VKORC1L1: variants seen among roughly 807,000 people sequenced by gnomAD.
The protein encoded by VKORC1L1 is vitamin K epoxide reductase complex subunit 1-like protein 1.
A neutral mutation model predicts 18.9 loss-of-function variants in VKORC1L1; 2 were observed. The observed-to-expected ratio is 0.11, with a 90% CI of 0.04 to 0.33. VKORC1L1 has a LOEUF of 0.33. Ranked by LOEUF, VKORC1L1 falls within the 10% of genes least tolerant of loss-of-function variation. The probability of loss-of-function intolerance (pLI) is 1.00; values close to 1 mark genes in which losing one functional copy is unlikely to be tolerated. For synonymous variants in VKORC1L1, 96 were observed against 100.0 expected (o/e 0.96, Z 0.24); for missense variants, 123 against 224.1 (o/e 0.55, Z 2.88).
Position 65,889,482 on chromosome 7 carries a change from A to G in VKORC1L1, c.194+15917A>G, listed in dbSNP as rs577994714. ...TTCCTCCCCTCCCCCACCAAATTCA[A>G]TCAATCACCAGGCCCCATTGATTGT... On this transcript the variant is annotated intron_variant, in intron 1 of 2. Coordinates refer to ENST00000360768, the MANE Select transcript of VKORC1L1 (RefSeq NM_173517.6). Among the ~76,000 whole-genome samples, 21 of 152,280 alleles carry G rather than the reference A, an allele frequency of 1.4e-4. No individual in the cohort carries two copies. The South Asian group carries it at 2.9e-3, about 21-fold the overall frequency.
At chr7:65,887,735 C>G (rs1789039497) in intron 1 of VKORC1L1, among the ~76,000 whole-genome samples, 1 of 152,134 alleles carries the variant, frequency 6.6e-6, no homozygotes, top group South Asian at 2.1e-4. Flanking sequence ...ACAAGTGTCT[C>G]ATTTTTAAAG....
chr7:65,915,047 G>A (rs948779687), intron 1 of VKORC1L1, among the ~76,000 whole-genome samples: 28 of 151,446 alleles, frequency 1.8e-4, no homozygotes, highest in African/African-American at 6.5e-4. Context: ...CTCCCTCTTC[G>A]GTTTGTAATT....
At chr7:65,907,721 T>C (rs185789922) in intron 1 of VKORC1L1, among the ~76,000 whole-genome samples, 1 of 152,184 alleles carries the variant, frequency 6.6e-6, no homozygotes, top group East Asian at 1.9e-4. Flanking sequence ...AGGCTAATGA[T>C]CTACAGATCT....
chr7:65,923,688 T>TGA (rs1383409147), intron 1 of VKORC1L1, among the ~76,000 whole-genome samples: 1 of 152,150 alleles, frequency 6.6e-6, no homozygotes, highest in East Asian at 1.9e-4. Context: ...ATTAAGAGTG[T>TGA]GAGACCAAAA....
At position 65,938,024 on chromosome 7, in the gene VKORC1L1, A is replaced by G. The variant is rs186725316; in HGVS notation, c.195-10647A>G. On this transcript the variant is annotated intron_variant, in intron 1 of 2. Coordinates refer to ENST00000360768, the MANE Select transcript of VKORC1L1 (RefSeq NM_173517.6). ...GGAGTTCGAGACCATCCTTGCCAAC[A>G]TGGTGAAACCCCGTCTCTACTGAAA... 2.3e-3 allele frequency among the ~76,000 whole-genome samples: 346 copies of G among 151,236 alleles called. 5 individuals carry two copies. Among genetic ancestry groups the G allele is most frequent in the Non-Finnish European group, 1.9e-3 (132 of 67,984 alleles).
rs1790354004 is a variant in VKORC1L1, at chr7:65,959,204, C to G, written c.*4904C>G. The G allele has an allele frequency of 6.6e-6, 1 of 152,232 alleles. No homozygotes were observed. The allele number at this position is 152,232 out of a possible 1,614,324, so 9.4% of individuals were successfully genotyped here. A position where few individuals can be genotyped will look rare whatever the true frequency, so the allele number is the denominator to read the frequency against. ...CCTGTAATCCCAGCTATTCAGGAAG[C>G]TGAGGCAGGAGAATTGCTTGAACCA... On this transcript the variant is annotated 3_prime_UTR_variant, in exon 3 of 3. Transcript: ENST00000360768.
At chr7:65,941,034 A>C (rs969490994) in intron 1 of VKORC1L1, among the ~76,000 whole-genome samples, 1 of 152,150 alleles carries the variant, frequency 6.6e-6, no homozygotes, top group Admixed American at 6.6e-5. Flanking sequence ...AAAAGTTGGG[A>C]TAGTTAGTGC....
At chr7:65,945,543 CG>C (rs1562656346) in intron 1 of VKORC1L1, among the ~76,000 whole-genome samples, 3 of 149,524 alleles carry the variant, frequency 2.0e-5, no homozygotes, top group Non-Finnish European at 4.5e-5. Context: ...ACCTGGGAGG[CG>C]GAACTTGCAG....
chr7:65,929,366 C>T (rs893434861), intron 1 of VKORC1L1, among the ~76,000 whole-genome samples: 4 of 152,012 alleles, frequency 2.6e-5, no homozygotes, highest in Admixed American at 1.3e-4. Context: ...GAGCCGAGAT[C>T]GCGCCACTGC....
intron 2 of VKORC1L1, among the ~76,000 whole-genome samples, chr7:65,952,778 CTTTTTTTTTTT>C (rs11395208): frequency 1.2e-5 from 1 of 86,610 alleles, no homozygotes; most frequent in African/African-American, 4.7e-5. Context: ...TTTTTTTTTC[CTTTTTTTTTTT>C]TTTTTTTTTT....
chr7:65,923,594 A>C (rs977981664), intron 1 of VKORC1L1, among the ~76,000 whole-genome samples: 4 of 152,156 alleles, frequency 2.6e-5, no homozygotes, highest in African/African-American at 4.8e-5. Context: ...AGAAGCAGGA[A>C]GATTTGCAAG....
In VKORC1L1 at chr7:65,893,750, G is replaced by A. The variant is rs375975569; in HGVS notation, c.194+20185G>A. 2.3e-3 allele frequency among the ~76,000 whole-genome samples: 353 copies of A among 152,274 alleles called. 22 individuals are homozygous for A. The South Asian group carries it at 0.071, about 31-fold the overall frequency. ...TTAACTAAAGCATTTTAGAGTCTCAGTAGTTTGCAGGAATGTCAAACCAAA... is the reference window on the plus strand; with the variant it reads ...TTAACTAAAGCATTTTAGAGTCTCAATAGTTTGCAGGAATGTCAAACCAAA... On this transcript the variant is annotated intron_variant, in intron 1 of 2. Coordinates refer to ENST00000360768, the MANE Select transcript of VKORC1L1 (RefSeq NM_173517.6).
At chr7:65,939,061 C>T (rs1789992478) in intron 1 of VKORC1L1, among the ~76,000 whole-genome samples, 1 of 152,102 alleles carries the variant, frequency 6.6e-6, no homozygotes, top group South Asian at 2.1e-4. Flanking sequence ...TTGTTGGTGG[C>T]ATTAAACAGG....
intron 1 of VKORC1L1, among the ~76,000 whole-genome samples, chr7:65,914,819 C>T (rs1789559207): frequency 6.6e-6 from 1 of 152,102 alleles, no homozygotes; most frequent in African/African-American, 2.4e-5. Context: ...GCCCGGGTAA[C>T]ATGGCAAGAC....
chr7:65,869,847 G>A (rs1788704607), upstream of VKORC1L1, among the ~76,000 whole-genome samples: 1 of 151,300 alleles, frequency 6.6e-6, no homozygotes, highest in African/African-American at 2.4e-5. Flanking sequence ...TAGAGATGGG[G>A]TCTTGCTATG....
At chr7:65,900,452 T>C (rs867630181) in intron 1 of VKORC1L1, among the ~76,000 whole-genome samples, 1 of 151,816 alleles carries the variant, frequency 6.6e-6, no homozygotes, top group African/African-American at 2.4e-5. Context: ...CAGATCATCA[T>C]TCTTAATACC....
intron 1 of VKORC1L1, among the ~76,000 whole-genome samples, chr7:65,892,510 A>G (rs546557665): frequency 6.6e-6 from 1 of 152,308 alleles, no homozygotes; most frequent in Admixed American, 6.5e-5. Context: ...ATTAATGGAA[A>G]TTCTTAATTT....
At chr7:65,953,869 AC>A (rs1481228685) in intron 2 of VKORC1L1, among the ~76,000 whole-genome samples, 10 of 152,318 alleles carry the variant, frequency 6.6e-5, no homozygotes, top group Admixed American at 2.6e-4. Flanking sequence ...CATCTCAAAA[AC>A]CCCAAAACCT....
chr7:65,870,119 C>A (rs1788708450), upstream of VKORC1L1, among the ~76,000 whole-genome samples: 1 of 151,798 alleles, frequency 6.6e-6, no homozygotes, highest in South Asian at 2.1e-4. Context: ...TCCATTCATT[C>A]ATTCATTCAT....
Sources: gnomAD v4.1 joint callset for allele counts (sites outside exome capture counted in the v4.1 genomes callset) on GRCh38, gnomAD v4.1.1 for gene constraint, MANE v1.5 for transcripts, NCBI Gene and HGNC (gene_info 2026-07-23, HGNC 2026-07-21) for gene names.